The following ASXL3 variants were observed in gnomAD, a reference collection of about 807,000 sequenced individuals.
The protein encoded by ASXL3 is putative Polycomb group protein ASXL3.
In ASXL3, 34 loss-of-function variants were observed where a neutral mutation model predicts 170.6. The ratio of observed to expected loss-of-function variants is 0.20; its 90% CI spans 0.15 to 0.27. The LOEUF is 0.27. Ranked by LOEUF, ASXL3 falls within the 10% of genes least tolerant of loss-of-function variation. The pLI is 1.00. For synonymous variants in ASXL3, 1,002 were observed against 989.1 expected (o/e 1.01, Z -0.24); for missense variants, 2,592 against 2,695.3 (o/e 0.96, Z 0.85).
At position 33,578,494 on chromosome 18, in the gene ASXL3, G is replaced by T; in HGVS notation, c.-138G>T. 3.4e-6 allele frequency: 1 copy of T among 293,540 alleles called. No homozygotes were observed. The highest frequency in any genetic ancestry group is 5.2e-6 in the Non-Finnish European group (1 of 191,222). 18.2% of individuals were successfully genotyped at this position (293,540 alleles called of 1,614,324 possible). A position where few individuals can be genotyped will look rare whatever the true frequency, so the allele number is the denominator to read the frequency against. On this transcript the variant is annotated 5_prime_UTR_variant, in exon 1 of 12. Transcript: ENST00000269197. ...CGCCGCCGCCGCCGCCGCCGCCGCCGCCGCCACCGCCCGCGCGCCTCCCCC... is the reference window on the plus strand; with the variant it reads ...CGCCGCCGCCGCCGCCGCCGCCGCCTCCGCCACCGCCCGCGCGCCTCCCCC...
intron 1 of ASXL3, among the ~76,000 whole-genome samples, chr18:33,594,581 C>T (rs1052795185): frequency 7.2e-5 from 11 of 152,092 alleles, no homozygotes; most frequent in Admixed American, 3.3e-4. Flanking sequence ...GTCCTGCTTG[C>T]TTATAAATAT....
At chr18:33,691,039 T>TA (rs1178556039) in intron 8 of ASXL3, among the ~76,000 whole-genome samples, 1 of 152,192 alleles carries the variant, frequency 6.6e-6, no homozygotes, top group Admixed American at 6.5e-5. Context: ...TCTACACGCT[T>TA]ACAATGCTTT....
chr18:33,607,480 G>A (rs1034381539), intron 1 of ASXL3, 114 bp from the exon 2 acceptor site: 61 of 843,488 alleles, frequency 7.2e-5, no homozygotes, highest in Non-Finnish European at 1.1e-4. Context: ...GACTGCTTTT[G>A]ATGTAAAAGC....
intron 7 of ASXL3, among the ~76,000 whole-genome samples, chr18:33,674,399 T>G (rs143127328): frequency 1.3e-5 from 2 of 152,320 alleles, no homozygotes; most frequent in South Asian, 4.1e-4. Context: ...AATAAGCCAG[T>G]TGAAGTACAA....
chr18:33,735,691 A>G (rs2067533443), intron 10 of ASXL3, among the ~76,000 whole-genome samples: 1 of 152,200 alleles, frequency 6.6e-6, no homozygotes, highest in African/African-American at 2.4e-5. Flanking sequence ...GCTTTTGCCT[A>G]TGAAAGAAAA....
chr18:33,719,039 T>C (rs2067214807), intron 8 of ASXL3, among the ~76,000 whole-genome samples: 1 of 152,116 alleles, frequency 6.6e-6, no homozygotes, highest in East Asian at 1.9e-4. Flanking sequence ...CTCTAGGAAG[T>C]AGTTTGTTTT....
chr18:33,626,287 T>C (rs1210922310), intron 2 of ASXL3, among the ~76,000 whole-genome samples: 3 of 152,050 alleles, frequency 2.0e-5, no homozygotes, highest in African/African-American at 7.2e-5. Flanking sequence ...TAAAAAAAAA[T>C]CTTACCATTT....
intron 7 of ASXL3, among the ~76,000 whole-genome samples, chr18:33,680,471 A>C (rs185971748): frequency 2.6e-5 from 4 of 152,152 alleles, no homozygotes; most frequent in Non-Finnish European, 5.9e-5. Context: ...TCTTTGGTTC[A>C]AGATTGATTA....
chr18:33,688,275 G>A, intron 8 of ASXL3, among the ~76,000 whole-genome samples: 1 of 152,182 alleles, frequency 6.6e-6, no homozygotes, highest in East Asian at 1.9e-4. Flanking sequence ...CAGAGATACT[G>A]TAAAAATCTG....
intron 1 of ASXL3, among the ~76,000 whole-genome samples, chr18:33,590,069 G>A (rs2065064033): frequency 6.7e-6 from 1 of 148,648 alleles, no homozygotes; most frequent in Non-Finnish European, 1.5e-5. Context: ...TTCTAGGTGA[G>A]GTAGGGACTT....
intron 8 of ASXL3, among the ~76,000 whole-genome samples, chr18:33,710,062 C>T (rs1250526727): frequency 1.3e-5 from 2 of 152,120 alleles, no homozygotes; most frequent in African/African-American, 4.8e-5. Flanking sequence ...TTGAGACCAG[C>T]CTGACCAACG....
At chr18:33,708,424 G>A (rs2067000834) in intron 8 of ASXL3, among the ~76,000 whole-genome samples, 1 of 152,102 alleles carries the variant, frequency 6.6e-6, no homozygotes, top group Non-Finnish European at 1.5e-5. Context: ...CACACTCAAT[G>A]GAACCATTAT....
chr18:33,587,503 G>C (rs1051300044), intron 1 of ASXL3, among the ~76,000 whole-genome samples: 1 of 151,920 alleles, frequency 6.6e-6, no homozygotes, highest in Non-Finnish European at 1.5e-5. Flanking sequence ...TTTTTGTATG[G>C]TGAAATGTTT....
At chr18:33,695,356 A>G (rs2066755932) in intron 8 of ASXL3, among the ~76,000 whole-genome samples, 1 of 152,136 alleles carries the variant, frequency 6.6e-6, no homozygotes, top group African/African-American at 2.4e-5. Flanking sequence ...TAAGTCACTT[A>G]CTGGTGATAG....
Position 33,695,183 on chromosome 18 carries a change from A to G in ASXL3, c.879+11615A>G, listed in dbSNP as rs750822913. On this transcript the variant is annotated intron_variant, in intron 8 of 11. Coordinates refer to ENST00000269197, the MANE Select transcript of ASXL3 (RefSeq NM_030632.3). ...ATTTACTTAAAAGATTATAAAATTC[A>G]AAAGTATTAAATATATGAAAAATAC... is the stretch of plus-strand genomic sequence containing the variant. 3.9e-5 allele frequency among the ~76,000 whole-genome samples: 6 copies of G among 152,300 alleles called. No homozygotes were observed. In the East Asian group the frequency reaches 1.2e-3, roughly 29 times the overall value.
chr18:33,587,587 T>A (rs2065045013), intron 1 of ASXL3, among the ~76,000 whole-genome samples: 1 of 152,082 alleles, frequency 6.6e-6, no homozygotes, highest in Admixed American at 6.6e-5. Flanking sequence ...CACATGAAGT[T>A]GTAAAAGTTA....
intron 8 of ASXL3, among the ~76,000 whole-genome samples, chr18:33,729,966 T>C (rs1403012496): frequency 1.3e-5 from 2 of 152,132 alleles, no homozygotes; most frequent in Non-Finnish European, 2.9e-5. Flanking sequence ...TGGTTAGGGC[T>C]GATTGATTAT....
intron 2 of ASXL3, among the ~76,000 whole-genome samples, chr18:33,629,654 C>T (rs1055010873): frequency 6.6e-6 from 1 of 151,936 alleles, no homozygotes; most frequent in African/African-American, 2.4e-5. Flanking sequence ...TGGAATTGCT[C>T]TCTGGAGAGT....
At chr18:33,650,020 G>A (rs11081816) in intron 4 of ASXL3, among the ~76,000 whole-genome samples, 92,808 of 151,852 alleles carry the variant, frequency 0.61, 29,046 homozygotes, top group East Asian at 0.88. Context: ...TGCCCAACCT[G>A]GTGCTGTGGG....
Sources: gnomAD v4.1 joint callset for allele counts (sites outside exome capture counted in the v4.1 genomes callset) on GRCh38, gnomAD v4.1.1 for gene constraint, MANE v1.5 for transcripts, NCBI Gene and HGNC (gene_info 2026-07-23, HGNC 2026-07-21) for gene names.